PCDHGB5: variants seen among roughly 807,000 people sequenced by gnomAD.
PCDHGB5 encodes the protein protocadherin gamma-B5.
PCDHGB5 carries 48 observed loss-of-function variants against 62.9 expected under a neutral mutation model. That is an observed-to-expected ratio of 0.76 (90% CI 0.61 to 0.97). The LOEUF (loss-of-function observed/expected upper bound fraction) is 0.97. Ranked by LOEUF, PCDHGB5 falls within the 50% of genes least tolerant of loss-of-function variation. The pLI is 0.00. For synonymous variants in PCDHGB5, 474 were observed against 511.2 expected, an observed-to-expected ratio of 0.93 and a Z score of 0.98; for missense variants, 1,118 against 1,198.6, an observed-to-expected ratio of 0.93 and a Z score of 0.99.
chr5:141,470,369 T>C (rs751264270), intron 1 of PCDHGB5, among the ~76,000 whole-genome samples: 2 of 152,226 alleles, frequency 1.3e-5, no homozygotes, highest in Non-Finnish European at 1.5e-5. Context: ...TTAGGTTGAA[T>C]GGAAAGACTA....
intron 1 of PCDHGB5, chr5:141,478,104 C>T (rs1440105341): frequency 6.2e-7 from 1 of 1,614,118 alleles, no homozygotes; most frequent in South Asian, 1.1e-5. Flanking sequence ...GCTACCCTCA[C>T]TGTGTCAGTA....
intron 1 of PCDHGB5, chr5:141,402,922 C>A: frequency 1.3e-6 from 2 of 1,576,446 alleles, no homozygotes; most frequent in Non-Finnish European, 8.6e-7. Flanking sequence ...GCACAGAGAT[C>A]CTTTTGAGAA....
chr5:141,423,374 G>T (rs1356564295), intron 1 of PCDHGB5: 2 of 1,614,188 alleles, frequency 1.2e-6, no homozygotes, highest in Admixed American at 1.7e-5. Context: ...CTGGCACTCA[G>T]GCTGTGGCGC....
intron 1 of PCDHGB5, among the ~76,000 whole-genome samples, chr5:141,492,882 C>G (rs2099744816): frequency 6.6e-6 from 1 of 152,218 alleles, no homozygotes; most frequent in Admixed American, 6.5e-5. Context: ...CCCAGAGATA[C>G]AGGCTTTTGG....
intron 1 of PCDHGB5, among the ~76,000 whole-genome samples, chr5:141,435,445 C>T (rs190910353): frequency 3.9e-5 from 6 of 152,224 alleles, no homozygotes; most frequent in Middle Eastern, 3.4e-3. Flanking sequence ...TTCATTAATA[C>T]GATATCTGTA....
In PCDHGB5 at chr5:141,398,797, G is replaced by C. The variant is rs1338071296; in HGVS notation, c.670G>C (p.Gly224Arg). Residue 224 changes from glycine to arginine, a missense_variant, in exon 1 of 4, where the codon GGC becomes CGC. By Grantham distance (125) the Gly-to-Arg change is moderately radical. Around this residue, in one of 2 missense-constraint regions of PCDHGB5, gnomAD observed 1,034 missense variants for 1,029.1 expected, o/e 1.00. Coordinates refer to ENST00000617380, the MANE Select transcript of PCDHGB5 (RefSeq NM_018925.3). ...GGACGGTGGACATCCACCCCTAAGC[G>C]GCACCACTGAGCTCCGGATCCAGGT... is the stretch of plus-strand genomic sequence containing the variant. ...ALDGGHPPLSGTTELRIQVTD... is the reference protein window; with the variant it reads ...ALDGGHPPLSRTTELRIQVTD... The C allele has an allele frequency of 1.2e-6, 2 of 1,613,898 alleles. No homozygotes were observed. The highest frequency in any genetic ancestry group is 1.7e-6 in the Non-Finnish European group (2 of 1,179,882).
In PCDHGB5 at chr5:141,489,163, C is replaced by T. The variant is rs2099683398; in HGVS notation, c.2398-5644C>T. 1 of 1,060,592 alleles carries T rather than the reference C, an allele frequency of 9.4e-7. No individual in the cohort carries two copies. Among genetic ancestry groups the T allele is most frequent in the Admixed American group, 2.4e-5 (1 of 41,724 alleles). The allele number at this position is 1,060,592 out of a possible 1,614,324, so 65.7% of individuals were successfully genotyped here. On this transcript the variant is annotated intron_variant, in intron 1 of 3. Coordinates refer to ENST00000617380, the MANE Select transcript of PCDHGB5 (RefSeq NM_018925.3). This position sits in a 1 kb window ranked among gnomAD's most constrained non-coding sequence, Gnocchi z 4.5. ...TGGAAGGAGACATAAGAGACTTCAGCTGCTGCATTCCAAGCCCTGGGTCTA... is the reference window on the plus strand; with the variant it reads ...TGGAAGGAGACATAAGAGACTTCAGTTGCTGCATTCCAAGCCCTGGGTCTA...
intron 1 of PCDHGB5, chr5:141,415,483 A>G: frequency 6.2e-7 from 1 of 1,614,212 alleles, no homozygotes; most frequent in South Asian, 1.1e-5. Context: ...CTCGCGAAAG[A>G]GTCACCTGAT....
In PCDHGB5 at chr5:141,489,461, A is replaced by G. The variant is rs1329676538; in HGVS notation, c.2398-5346A>G. 5.0e-6 allele frequency: 8 copies of G among 1,613,832 alleles called. No homozygotes were observed. The highest frequency in any genetic ancestry group is 6.8e-6 in the Non-Finnish European group (8 of 1,179,986). On this transcript the variant is annotated intron_variant, in intron 1 of 3. Transcript: ENST00000617380. This position sits in a 1 kb window ranked among gnomAD's most constrained non-coding sequence, Gnocchi z 4.5. ...TTGGGCTCTGAGGAGAATGGGCGCT[A>G]TTTTTCCCTGAGCTTGATGAGTGGT...
At position 141,486,609 on chromosome 5, in the gene PCDHGB5, C is replaced by T; in HGVS notation, c.2398-8198C>T. The T allele has an allele frequency of 6.2e-7, 1 of 1,613,568 alleles. No homozygotes were observed. ...GGGGACCTGCTTTGCTCCCTTGCAG[C>T]CTCTGACCCAGACTCTGGCTTGAAT... On this transcript the variant is annotated intron_variant, in intron 1 of 3. Transcript: ENST00000617380. The surrounding 1 kb of genome is among the most constrained non-coding windows in gnomAD (Gnocchi z 5.0).
In PCDHGB5 at chr5:141,491,158, GA is replaced by G; in HGVS notation, c.2398-3648del. On this transcript the variant is annotated intron_variant, in intron 1 of 3. Transcript: ENST00000617380. This position sits in a 1 kb window ranked among gnomAD's most constrained non-coding sequence, Gnocchi z 6.9. ...CCGGGCCTTACTGGAGGATGACTCT[GA>G]CACCCAGCAGGTGGTGGTCCTGGTG... 6.2e-7 allele frequency: 1 copy of G among 1,614,130 alleles called. No homozygotes were observed. The highest frequency in any genetic ancestry group is 8.5e-7 in the Non-Finnish European group (1 of 1,179,972).
Position 141,493,554 on chromosome 5 carries a change from G to A in PCDHGB5, c.2398-1253G>A, listed in dbSNP as rs2099748882. The stretch of plus-strand genomic sequence containing the variant: ...GGCCAGTTATCCTTTTGGAGATTGA[G>A]TTCCCCCAGCTCCGTTTCCTCCTAT... On this transcript the variant is annotated intron_variant, in intron 1 of 3. Coordinates refer to ENST00000617380, the MANE Select transcript of PCDHGB5 (RefSeq NM_018925.3). The surrounding 1 kb of genome is among the most constrained non-coding windows in gnomAD (Gnocchi z 4.3). 6.6e-6 allele frequency among the ~76,000 whole-genome samples: 1 copy of A among 152,166 alleles called. No homozygotes were observed. Among genetic ancestry groups the A allele is most frequent in the Admixed American group, 6.5e-5 (1 of 15,282 alleles).
At chr5:141,510,674 GGCAT>G (rs1388331907) in intron 3 of PCDHGB5, among the ~76,000 whole-genome samples, 6 of 152,132 alleles carry the variant, frequency 3.9e-5, no homozygotes, top group Non-Finnish European at 8.8e-5. Flanking sequence ...AAACTGAAGT[GGCAT>G]AAGGAGGTTA....
At chr5:141,415,879 T>C (rs1002596454) in intron 1 of PCDHGB5, 1 of 1,003,176 alleles carries the variant, frequency 1.0e-6, no homozygotes, top group African/African-American at 1.7e-5. Context: ...TTGAGTACAA[T>C]ATTGACAATT....
chr5:141,508,077 G>T (rs1166570509), intron 3 of PCDHGB5: 1 of 152,446 alleles, frequency 6.6e-6, no homozygotes, highest in Non-Finnish European at 1.5e-5. Context: ...GGCTACTCTG[G>T]AGTTGCTGCC....
chr5:141,418,696 T>C, intron 1 of PCDHGB5: 1 of 1,614,034 alleles, frequency 6.2e-7, no homozygotes, highest in Non-Finnish European at 8.5e-7. Context: ...AGATCACTTA[T>C]TCCTTCTTTG....
At chr5:141,423,695 G>T in intron 1 of PCDHGB5, 1 of 1,338,020 alleles carries the variant, frequency 7.5e-7, no homozygotes, top group Non-Finnish European at 9.7e-7. Context: ...AATTGTTGGT[G>T]TCTTGGCACA....
chr5:141,403,719 C>T (rs758160960), intron 1 of PCDHGB5: 2 of 1,613,864 alleles, frequency 1.2e-6, no homozygotes, highest in Non-Finnish European at 1.7e-6. Context: ...GAGAACGTGC[C>T]CCCAGGCACC....
rs770231078 is a variant in PCDHGB5 at position 141,398,743 on chromosome 5, A to C, written c.616A>C (p.Ser206Arg). 2 of 1,613,864 alleles carry C rather than the reference A, an allele frequency of 1.2e-6. No homozygotes were observed. The highest frequency in any genetic ancestry group is 3.3e-5 in the Admixed American group (2 of 60,020). Reference sequence around the variant, plus strand: ...GAAAACCTTAGACCGGGAACAACAGAGTTACCATCGTTTAGTCCTGACTGC... The same window carrying C: ...GAAAACCTTAGACCGGGAACAACAGCGTTACCATCGTTTAGTCCTGACTGC... ...LEKTLDREQQ[S>R]YHRLVLTALD... The change falls in exon 1 of 4, where the codon AGT becomes CGT. Residue 206 changes from serine (S) to arginine (R), a missense_variant. Ser to Arg is a moderately radical substitution (Grantham distance 110). Coordinates refer to ENST00000617380, the MANE Select transcript of PCDHGB5 (RefSeq NM_018925.3).
Sources: gnomAD v4.1 joint callset for allele counts (sites outside exome capture counted in the v4.1 genomes callset) on GRCh38, gnomAD v4.1.1 for gene constraint, gnomAD v4.1.1 regional missense constraint, Gnocchi (gnomAD v3.1) non-coding constraint, MANE v1.5 for transcripts, NCBI Gene and HGNC (gene_info 2026-07-23, HGNC 2026-07-21) for gene names.